The following P4HA3 variants were observed in gnomAD, a reference collection of about 807,000 sequenced individuals.
P4HA3 encodes the protein prolyl 4-hydroxylase subunit alpha-3.
In P4HA3, 60 loss-of-function variants were observed where a neutral mutation model predicts 66.7. That is an observed-to-expected ratio of 0.90 (90% CI 0.73 to 1.12). P4HA3 has a LOEUF of 1.12. Among genes scored for constraint, P4HA3 ranks in the 50% most tolerant of loss-of-function variants. The pLI, the probability that P4HA3 is intolerant of heterozygous loss-of-function variation, is 0.00. For synonymous variants in P4HA3, 263 were observed against 274.6 expected (o/e 0.96, Z 0.42); for missense variants, 683 against 685.8 (o/e 1.00, Z 0.05).
intron 9 of P4HA3, 31 bp downstream of exon 9, chr11:74,276,954 C>G (rs777609828): frequency 7.5e-6 from 12 of 1,591,752 alleles, no homozygotes; most frequent in Non-Finnish European, 8.6e-6. Context: ...GCTCCCTACC[C>G]CAGGGGATTG....
At chr11:74,281,309 A>C (rs1860586956) in intron 7 of P4HA3, among the ~76,000 whole-genome samples, 1 of 151,870 alleles carries the variant, frequency 6.6e-6, no homozygotes, top group South Asian at 2.1e-4. Context: ...TGTGGAAGTC[A>C]GTGTGGCAAT....
chr11:74,253,893 G>C, intron 15 of P4HA3: 1 of 334,262 alleles, frequency 3.0e-6, no homozygotes. Flanking sequence ...TCCATTCCTT[G>C]AGATTGTCTT....
At chr11:74,256,246 TAAAAG>T (rs758038688) in intron 15 of P4HA3, among the ~76,000 whole-genome samples, 58 of 152,242 alleles carry the variant, frequency 3.8e-4, no homozygotes, top group Admixed American at 1.5e-3. Context: ...ACCAGATACT[TAAAAG>T]AGCAGAAGGA....
chr11:74,298,121 T>A (rs1212845577), intron 4 of P4HA3, 91 bp downstream of exon 4: 3 of 1,470,324 alleles, frequency 2.0e-6, no homozygotes, highest in Non-Finnish European at 2.7e-6. Flanking sequence ...ATGAAACAGA[T>A]GAAGACATGA....
At chr11:74,277,270 G>C in intron 8 of P4HA3, 126 bp from the exon 9 acceptor site, 14 of 1,177,780 alleles carry the variant, frequency 1.2e-5, no homozygotes, top group Non-Finnish European at 1.7e-5. Context: ...AAGGAAGGAG[G>C]AAAGAGAGGG....
chr11:74,274,991 C>T (rs192885527), intron 9 of P4HA3, among the ~76,000 whole-genome samples: 1 of 152,042 alleles, frequency 6.6e-6, no homozygotes, highest in Admixed American at 6.5e-5. Context: ...TGGAGAGGTG[C>T]CTACTCAAAT....
At chr11:74,292,382 T>C (rs1333803796) in intron 4 of P4HA3, among the ~76,000 whole-genome samples, 1 of 152,172 alleles carries the variant, frequency 6.6e-6, no homozygotes, top group Non-Finnish European at 1.5e-5. Flanking sequence ...TTTGTTGATC[T>C]TTTCAAAAAA....
rs75857783 is a variant in P4HA3, at chr11:74,273,740, C to T, written c.1336-133G>A. 3.6e-3 allele frequency: 2,124 copies of T among 593,910 alleles called. 33 individuals are homozygous for T. The highest frequency in any genetic ancestry group is 0.032 in the African/African-American group (1,653 of 51,944). 36.8% of individuals were successfully genotyped at this position (593,910 alleles called of 1,614,324 possible). A position where few individuals can be genotyped will look rare whatever the true frequency, so the allele number is the denominator to read the frequency against. On this transcript the variant is annotated intron_variant, in intron 9 of 12. Coordinates refer to ENST00000331597, the MANE Select transcript of P4HA3 (RefSeq NM_182904.5). ...GGGATATAGTTCTGATATACACCTACTGGAGTATGTGCCCGTCTTTGCTGG... is the reference window on the plus strand; with the variant it reads ...GGGATATAGTTCTGATATACACCTATTGGAGTATGTGCCCGTCTTTGCTGG...
chr11:74,292,260 T>C (rs1481076447), intron 4 of P4HA3, among the ~76,000 whole-genome samples: 3 of 152,194 alleles, frequency 2.0e-5, no homozygotes, highest in Non-Finnish European at 4.4e-5. Flanking sequence ...TCTCTGATGG[T>C]AGTTTGTATT....
chr11:74,295,889 A>G (rs1861197276), intron 4 of P4HA3, among the ~76,000 whole-genome samples: 1 of 152,260 alleles, frequency 6.6e-6, no homozygotes, highest in African/African-American at 2.4e-5. Flanking sequence ...ACTCAAGGTC[A>G]TAGCTTTTCA....
chr11:74,302,332 A>G, intron 3 of P4HA3, 37 bp downstream of exon 3: 1 of 1,547,756 alleles, frequency 6.5e-7, no homozygotes, highest in Non-Finnish European at 8.8e-7. Context: ...ATAAGAAACC[A>G]GAGCCAAGCA....
intron 3 of P4HA3, among the ~76,000 whole-genome samples, chr11:74,301,325 TTAC>T (rs1296472476): frequency 1.3e-5 from 2 of 152,138 alleles, no homozygotes. Context: ...AGGAAGTGAC[TTAC>T]TAAATTTTCA....
intron 8 of P4HA3, among the ~76,000 whole-genome samples, 197 bp from the exon 9 acceptor site, chr11:74,277,341 C>A (rs1220388733): frequency 6.6e-6 from 1 of 152,176 alleles, no homozygotes; most frequent in Admixed American, 6.5e-5. Context: ...TCTGCCCAGT[C>A]CACTTTGTTC....
At chr11:74,262,881 G>A (rs567455889), downstream of P4HA3, among the ~76,000 whole-genome samples, 95 of 152,336 alleles carry the variant, frequency 6.2e-4, no homozygotes, top group Non-Finnish European at 2.1e-4. Flanking sequence ...TACTGGACAA[G>A]AGTCCCCCAG....
At chr11:74,271,147 C>T (rs1160787146) in intron 10 of P4HA3, among the ~76,000 whole-genome samples, 5 of 152,160 alleles carry the variant, frequency 3.3e-5, no homozygotes, top group South Asian at 2.1e-4. Context: ...GGAGGTAGGA[C>T]GCTGGCCCTT....
At position 74,267,198 on chromosome 11, in the gene P4HA3, G is replaced by A. The variant is rs3741132; in HGVS notation, c.*50C>T. 281,187 of 1,612,168 alleles carry A rather than the reference G, an allele frequency of 0.17. 26,853 individuals are homozygous for A. The highest frequency in any genetic ancestry group is 0.3 in the East Asian group (13,377 of 44,830). ...TCTCCTACCCCAGCTTTTGGCTCCT[G>A]GCTTCTCTGGAAAGCCACAGGACTC... On this transcript the variant is annotated 3_prime_UTR_variant, in exon 13 of 13. Coordinates refer to ENST00000331597, the MANE Select transcript of P4HA3 (RefSeq NM_182904.5).
intron 10 of P4HA3, among the ~76,000 whole-genome samples, chr11:74,271,132 G>A (rs1040978727): frequency 2.6e-5 from 4 of 152,210 alleles, no homozygotes; most frequent in African/African-American, 9.6e-5. Context: ...AGAGCAAGAG[G>A]TATAGGAGGT....
chr11:74,306,198 C>T (rs550332525), intron 1 of P4HA3, among the ~76,000 whole-genome samples: 2 of 152,188 alleles, frequency 1.3e-5, no homozygotes, highest in East Asian at 1.9e-4. Context: ...GAGGTGGGAT[C>T]GTCCAGCACA....
chr11:74,311,545 T>C lies in P4HA3; in HGVS notation c.67A>G (p.Arg23Gly), dbSNP rs1436979499. The part of the protein sequence containing the change: ...VLALGTGDPE[R>G]AAARGDTFSA... ...AACGTGTCGCCCCGAGCCGCAGCCC[T>C]TTCTGGGTCTCCTGTCCCGAGCGCC... The change falls in exon 1 of 13, where the codon AGG (arginine) becomes GGG (glycine). Residue 23 changes from arginine to glycine, a missense_variant. By Grantham distance (125) the Arg-to-Gly change is moderately radical. Transcript: ENST00000331597. 1 of 1,549,988 alleles carries C rather than the reference T, an allele frequency of 6.5e-7. No individual in the cohort carries two copies. The highest frequency in any genetic ancestry group is 8.6e-7 in the Non-Finnish European group (1 of 1,157,874).
Sources: gnomAD v4.1 joint callset for allele counts (sites outside exome capture counted in the v4.1 genomes callset) on GRCh38, gnomAD v4.1.1 for gene constraint, MANE v1.5 for transcripts, NCBI Gene and HGNC (gene_info 2026-07-23, HGNC 2026-07-21) for gene names.